Variants in MAP1B observed in about 807,000 individuals in gnomAD.
MAP1B encodes the protein microtubule-associated protein 1B.
A neutral mutation model predicts 176.1 loss-of-function variants in MAP1B; 12 were observed. The ratio of observed to expected loss-of-function variants is 0.07; its 90% CI spans 0.04 to 0.11. The LOEUF (loss-of-function observed/expected upper bound fraction) is 0.11, where lower values mean the gene tolerates loss of function less well. Among genes scored for constraint, MAP1B ranks in the 10% least tolerant of loss-of-function variants. The pLI is 1.00. For synonymous variants in MAP1B, 1,044 were observed against 1,135.0 expected (o/e 0.92, Z 1.61); for missense variants, 2,523 against 2,990.5 (o/e 0.84, Z 3.65).
At chr5:72,108,740 C>G (rs1304150362) in intron 1 of MAP1B, among the ~76,000 whole-genome samples, 2 of 152,098 alleles carry the variant, frequency 1.3e-5, no homozygotes, top group African/African-American at 4.8e-5. Context: ...GCGCTCCGCC[C>G]GGGCCTCGGG....
At chr5:72,134,660 C>A (rs1171142472) in intron 2 of MAP1B, among the ~76,000 whole-genome samples, 3 of 151,996 alleles carry the variant, frequency 2.0e-5, no homozygotes, top group African/African-American at 7.2e-5. Flanking sequence ...TGTAGTGGCA[C>A]TCTATCAATT....
Position 72,194,705 on chromosome 5 carries a change from A to C in MAP1B, c.1350A>C (p.Glu450Asp). 6.2e-7 allele frequency: 1 copy of C among 1,614,216 alleles called. No homozygotes were observed. Among genetic ancestry groups the C allele is most frequent in the East Asian group, 2.2e-5 (1 of 44,886 alleles). The stretch of plus-strand genomic sequence containing the variant: ...CTGGTACCAACAAAGACAAGGCTGA[A>C]TTCATTCTGCCTAATGGTCAAGAAG... ...QWTGTNKDKA[E>D]FILPNGQEVD... The change falls in exon 5 of 7, where the codon GAA becomes GAC. Residue 450 changes from glutamate (E) to aspartate (D), a missense_variant. This residue lies in a region of MAP1B where 1,925 missense variants were observed against 2,126.0 expected (regional missense o/e 0.91). Coordinates refer to ENST00000296755, the MANE Select transcript of MAP1B (RefSeq NM_005909.5). The surrounding 1 kb of genome is among the most constrained non-coding windows in gnomAD (Gnocchi z 7.2).
chr5:72,126,002 C>T (rs1382587311), intron 2 of MAP1B, among the ~76,000 whole-genome samples: 1 of 152,162 alleles, frequency 6.6e-6, no homozygotes, highest in Admixed American at 6.5e-5. Context: ...ACTCTGAAGA[C>T]ACTAGGGAAG....
intron 2 of MAP1B, among the ~76,000 whole-genome samples, chr5:72,136,450 T>C (rs1745838723): frequency 6.6e-6 from 1 of 152,166 alleles, no homozygotes; most frequent in Admixed American, 6.5e-5. Flanking sequence ...GCCTCAATTG[T>C]GTCCTCTCCA....
intron 2 of MAP1B, among the ~76,000 whole-genome samples, chr5:72,145,402 C>T (rs1419840496): frequency 2.0e-5 from 3 of 151,870 alleles, no homozygotes; most frequent in African/African-American, 7.3e-5. Context: ...AACCGTGTTT[C>T]CATTGTCATG....
intron 2 of MAP1B, among the ~76,000 whole-genome samples, chr5:72,181,065 A>C (rs1367177361): frequency 1.3e-5 from 2 of 152,218 alleles, no homozygotes; most frequent in Non-Finnish European, 2.9e-5. Context: ...GGGGATAATC[A>C]TAGTAGCTAT....
intron 2 of MAP1B, among the ~76,000 whole-genome samples, chr5:72,117,055 G>A (rs1199733111): frequency 2.0e-5 from 3 of 150,762 alleles, no homozygotes; most frequent in East Asian, 2.0e-4. Flanking sequence ...ATGGAATTGA[G>A]TAAATGTGCT....
chr5:72,153,315 A>AT (rs1746176317), intron 2 of MAP1B, among the ~76,000 whole-genome samples: 1 of 151,964 alleles, frequency 6.6e-6, no homozygotes, highest in Non-Finnish European at 1.5e-5. Flanking sequence ...CACCCATGCC[A>AT]TTTTCCTGCT....
At position 72,107,714 on chromosome 5, in the gene MAP1B, C is replaced by A; in HGVS notation, c.183C>A (p.Leu61=). ...GGCGTGCCATCGGCAACATCGAGCTCGGTAAGTGGCCCCGCGCCCCCAGAG... is the reference window on the plus strand; with the variant it reads ...GGCGTGCCATCGGCAACATCGAGCTAGGTAAGTGGCCCCGCGCCCCCAGAG... ...HLRRAIGNIE[L]GIRSWDTNLI... is the part of the protein sequence containing the mutation. The change falls in exon 1 of 7, where the codon CTC becomes CTA. Residue 61 remains leucine, a splice_region_variant and synonymous_variant. Coordinates refer to ENST00000296755, the MANE Select transcript of MAP1B (RefSeq NM_005909.5). The A allele has an allele frequency of 1.9e-6, 3 of 1,598,660 alleles. No individual in the cohort carries two copies. The highest frequency in any genetic ancestry group is 2.5e-6 in the Non-Finnish European group (3 of 1,179,394).
chr5:72,108,954 G>A (rs1318275853), intron 1 of MAP1B, among the ~76,000 whole-genome samples: 1 of 152,238 alleles, frequency 6.6e-6, no homozygotes, highest in African/African-American at 2.4e-5. Context: ...CGTTTCTCCG[G>A]GAGACACCGG....
Position 72,118,637 on chromosome 5 carries a change from G to A in MAP1B, c.286+2838G>A, listed in dbSNP as rs140761342. 2.8e-3 allele frequency among the ~76,000 whole-genome samples: 420 copies of A among 148,934 alleles called. 1 individual carries two copies. Among genetic ancestry groups the A allele is most frequent in the African/African-American group, 0.01 (406 of 40,468 alleles). On this transcript the variant is annotated intron_variant, in intron 2 of 6. Coordinates refer to ENST00000296755, the MANE Select transcript of MAP1B (RefSeq NM_005909.5). ...TTTGGGTTTAAAAAAACATAGAGAC[G>A]GGGTCTCACTATGTTGCCCAGGCTG...
intron 2 of MAP1B, among the ~76,000 whole-genome samples, chr5:72,170,857 A>G (rs954272337): frequency 1.5e-5 from 2 of 137,072 alleles, no homozygotes; most frequent in Non-Finnish European, 3.4e-5. Context: ...TGAGGCAGGA[A>G]AGTAGCTTGA....
chr5:72,138,236 G>C (rs147639864), intron 2 of MAP1B, among the ~76,000 whole-genome samples: 331 of 152,250 alleles, frequency 2.2e-3, no homozygotes, highest in Non-Finnish European at 2.8e-3. Flanking sequence ...GGTGGAGAAA[G>C]ACACACATAT....
intron 1 of MAP1B, among the ~76,000 whole-genome samples, chr5:72,113,375 T>C (rs187821781): frequency 2.6e-5 from 4 of 152,372 alleles, no homozygotes; most frequent in African/African-American, 7.2e-5. Flanking sequence ...AAATGAGAAA[T>C]ATTTTTATCA....
At chr5:72,112,925 C>T (rs561061414) in intron 1 of MAP1B, among the ~76,000 whole-genome samples, 3 of 152,320 alleles carry the variant, frequency 2.0e-5, no homozygotes, top group Admixed American at 6.5e-5. Flanking sequence ...TTCTGAAAGC[C>T]TCTTTAGAAC....
At chr5:72,162,521 C>A (rs1306983151) in intron 2 of MAP1B, among the ~76,000 whole-genome samples, 1 of 151,912 alleles carries the variant, frequency 6.6e-6, no homozygotes, top group African/African-American at 2.4e-5. Flanking sequence ...GAAAAAGCTC[C>A]CTATAAAAAG....
intron 2 of MAP1B, among the ~76,000 whole-genome samples, chr5:72,183,362 G>T (rs976952661): frequency 6.6e-6 from 1 of 152,182 alleles, no homozygotes; most frequent in African/African-American, 2.4e-5. Context: ...CAGAAGAAAG[G>T]CTGATACGGA....
At chr5:72,122,844 C>A (rs1196146106) in intron 2 of MAP1B, among the ~76,000 whole-genome samples, 1 of 152,088 alleles carries the variant, frequency 6.6e-6, no homozygotes, top group Non-Finnish European at 1.5e-5. Context: ...TAAGTGCGTT[C>A]CACGACAGCT....
intron 2 of MAP1B, among the ~76,000 whole-genome samples, chr5:72,146,556 C>T (rs1321823068): frequency 6.6e-6 from 1 of 152,196 alleles, no homozygotes; most frequent in Admixed American, 6.5e-5. Context: ...TCATAGCCTT[C>T]CAAGAGGGAG....
Sources: gnomAD v4.1 joint callset for allele counts (sites outside exome capture counted in the v4.1 genomes callset) on GRCh38, gnomAD v4.1.1 for gene constraint, gnomAD v4.1.1 regional missense constraint, Gnocchi (gnomAD v3.1) non-coding constraint, MANE v1.5 for transcripts, NCBI Gene and HGNC (gene_info 2026-07-23, HGNC 2026-07-21) for gene names.